Variants in ZFPM2 observed in about 807,000 individuals in gnomAD.
ZFPM2 encodes the protein zinc finger protein, FOG family member 2, also known as zinc finger protein ZFPM2.
Under a neutral mutation model 98.6 loss-of-function variants are expected in ZFPM2, and 20 were observed. That is an observed-to-expected ratio of 0.20 (90% confidence interval 0.14 to 0.29). The LOEUF (loss-of-function observed/expected upper bound fraction) is 0.29, where lower values mean the gene tolerates loss of function less well. Ranked by LOEUF, ZFPM2 falls within the 10% of genes least tolerant of loss-of-function variation. ZFPM2 has a pLI of 1.00. For missense variants in ZFPM2, 1,310 were observed against 1,388.6 expected (o/e 0.94, Z 0.90); for synonymous variants, 518 against 502.7 (o/e 1.03, Z -0.41).
chr8:105,597,435 A>G (rs988981659), intron 4 of ZFPM2, among the ~76,000 whole-genome samples: 1 of 151,916 alleles, frequency 6.6e-6, no homozygotes, highest in Non-Finnish European at 1.5e-5. Flanking sequence ...AGAAAAAGAG[A>G]GCAGACCTAA....
At chr8:105,696,620 G>A (rs532794604) in intron 5 of ZFPM2, among the ~76,000 whole-genome samples, 13 of 152,046 alleles carry the variant, frequency 8.6e-5, no homozygotes, top group Non-Finnish European at 1.3e-4. Context: ...TCGCATAGCT[G>A]CCTCCCTTTT....
chr8:105,385,578 C>T (rs1256293213), intron 1 of ZFPM2, among the ~76,000 whole-genome samples: 5 of 152,130 alleles, frequency 3.3e-5, no homozygotes, highest in African/African-American at 1.2e-4. Context: ...CTTTATCTGT[C>T]AGTAATGTAC....
intron 4 of ZFPM2, among the ~76,000 whole-genome samples, chr8:105,584,292 C>A (rs868551380): frequency 5.9e-5 from 9 of 151,306 alleles, no homozygotes; most frequent in South Asian, 4.2e-4. Flanking sequence ...TATTTTTTTT[C>A]TAAAGTTTCT....
intron 5 of ZFPM2, among the ~76,000 whole-genome samples, chr8:105,676,212 G>A (rs962424267): frequency 1.3e-5 from 2 of 152,042 alleles, no homozygotes; most frequent in African/African-American, 4.8e-5. Context: ...CCATAACATT[G>A]GAATCATAGT....
chr8:105,655,180 G>A (rs559594579), intron 5 of ZFPM2, among the ~76,000 whole-genome samples: 118 of 149,038 alleles, frequency 7.9e-4, no homozygotes, highest in Middle Eastern at 7.0e-3. Context: ...TTATTTCATC[G>A]ACTCACAATT....
chr8:105,323,780 T>C (rs1207601092), intron 1 of ZFPM2, among the ~76,000 whole-genome samples: 3 of 151,898 alleles, frequency 2.0e-5, no homozygotes, highest in African/African-American at 7.2e-5. Flanking sequence ...TAAAGTTCAA[T>C]GGAGTCAGCA....
At chr8:105,431,306 G>A (rs1231881774) in intron 2 of ZFPM2, among the ~76,000 whole-genome samples, 1 of 152,060 alleles carries the variant, frequency 6.6e-6, no homozygotes, top group Non-Finnish European at 1.5e-5. Context: ...TACTATGGAG[G>A]GTTTACAGAT....
intron 4 of ZFPM2, among the ~76,000 whole-genome samples, chr8:105,576,155 T>G (rs924926140): frequency 1.3e-5 from 2 of 152,156 alleles, no homozygotes; most frequent in African/African-American, 4.8e-5. Context: ...AACCACTATC[T>G]TACAGCACAC....
At chr8:105,610,008 G>T (rs909196552) in intron 4 of ZFPM2, among the ~76,000 whole-genome samples, 4 of 152,098 alleles carry the variant, frequency 2.6e-5, no homozygotes, top group Non-Finnish European at 5.9e-5. Context: ...CAGCCCTCTT[G>T]TCCTCAGATA....
chr8:105,572,033 CTTTTTTTTTT>C (rs869198147), intron 4 of ZFPM2, among the ~76,000 whole-genome samples: 2 of 103,370 alleles, frequency 1.9e-5, no homozygotes, highest in Non-Finnish European at 3.8e-5. Flanking sequence ...GGGTAAATTT[CTTTTTTTTTT>C]TTTTTTTTTT....
chr8:105,617,926 G>C (rs1197096229), intron 4 of ZFPM2, among the ~76,000 whole-genome samples: 1 of 152,058 alleles, frequency 6.6e-6, no homozygotes, highest in African/African-American at 2.4e-5. Context: ...TCACTAACTA[G>C]ACTATGTTCG....
chr8:105,684,681 C>G (rs1305667809), intron 5 of ZFPM2, among the ~76,000 whole-genome samples: 2 of 151,972 alleles, frequency 1.3e-5, no homozygotes, highest in African/African-American at 2.4e-5. Context: ...ATGATTTTTA[C>G]AGTTAGAGGA....
At chr8:105,379,476 G>A (rs778306130) in intron 1 of ZFPM2, among the ~76,000 whole-genome samples, 38 of 152,116 alleles carry the variant, frequency 2.5e-4, no homozygotes, top group Non-Finnish European at 4.0e-4. Flanking sequence ...ACATTGGTCC[G>A]GGCACGGTGG....
At chr8:105,742,976 T>C (rs760438147) in intron 5 of ZFPM2, among the ~76,000 whole-genome samples, 1 of 151,964 alleles carries the variant, frequency 6.6e-6, no homozygotes, top group Non-Finnish European at 1.5e-5. Flanking sequence ...ATACAGGAGA[T>C]AATGTTTCAA....
In ZFPM2 at chr8:105,559,662, G is replaced by T. The variant is rs562455003; in HGVS notation, c.302-1701G>T. Among the ~76,000 whole-genome samples the T allele has an allele frequency of 1.2e-4, 18 of 151,946 alleles. No homozygotes were observed. In the East Asian group the frequency reaches 3.3e-3, roughly 28 times the overall value. On this transcript the variant is annotated intron_variant, in intron 3 of 7. Coordinates refer to ENST00000407775, the MANE Select transcript of ZFPM2 (RefSeq NM_012082.4). ...ATTGTAGTTTATATACTTCAGTTTTGGTTTTCAGGATAAGCAATAATGAAA... is the reference window on the plus strand; with the variant it reads ...ATTGTAGTTTATATACTTCAGTTTTTGTTTTCAGGATAAGCAATAATGAAA...
In ZFPM2 at chr8:105,643,024, T is replaced by C. The variant is rs147344196; in HGVS notation, c.532+8667T>C. ...CCAAAAGTTCCTGAGAGCCATGTTA[T>C]GGACACACTTGAATGCTCGTTCTGA... On this transcript the variant is annotated intron_variant, in intron 5 of 7. Transcript: ENST00000407775. Among the ~76,000 whole-genome samples the C allele has an allele frequency of 7.2e-3, 1,096 of 152,292 alleles. 12 individuals are homozygous for C. Among genetic ancestry groups the C allele is most frequent in the African/African-American group, 0.025 (1,040 of 41,570 alleles).
intron 4 of ZFPM2, among the ~76,000 whole-genome samples, chr8:105,572,219 A>G (rs1815372598): frequency 2.6e-5 from 4 of 151,516 alleles, no homozygotes; most frequent in Admixed American, 2.6e-4. Flanking sequence ...TTGTATTTTT[A>G]GTAGAGATGG....
chr8:105,436,360 A>C (rs1672575031), intron 2 of ZFPM2, among the ~76,000 whole-genome samples: 1 of 151,996 alleles, frequency 6.6e-6, no homozygotes, highest in Admixed American at 6.5e-5. Context: ...TCTCTACTAA[A>C]AATACAAAGT....
At chr8:105,327,915 A>G (rs1812143869) in intron 1 of ZFPM2, among the ~76,000 whole-genome samples, 1 of 151,756 alleles carries the variant, frequency 6.6e-6, no homozygotes, top group South Asian at 2.1e-4. Context: ...CCTAACAGTA[A>G]ATGCCATGGA....
Sources: allele counts gnomAD v4.1 joint callset (sites outside exome capture counted in the v4.1 genomes callset), GRCh38; gene constraint gnomAD v4.1.1; transcripts MANE v1.5; gene names NCBI Gene and HGNC (gene_info 2026-07-23, HGNC 2026-07-21).